Variants in GRM3 observed in about 807,000 individuals in gnomAD.
GRM3 encodes the protein metabotropic glutamate receptor 3.
Under a neutral mutation model 70.5 loss-of-function variants are expected in GRM3, and 26 were observed. That is an observed-to-expected ratio of 0.37 (90% CI 0.27 to 0.51). The LOEUF is 0.51. Ranked by LOEUF, GRM3 falls within the 20% of genes least tolerant of loss-of-function variation. The pLI is 0.93. For missense variants in GRM3, 859 were observed against 1,123.8 expected, an observed-to-expected ratio of 0.76 and a Z score of 3.37; for synonymous variants, 443 against 434.9, an observed-to-expected ratio of 1.02 and a Z score of -0.23.
intron 4 of GRM3, among the ~76,000 whole-genome samples, chr7:86,842,062 T>C (rs1012085867): frequency 2.2e-4 from 34 of 152,180 alleles, no homozygotes; most frequent in Non-Finnish European, 1.2e-4. Context: ...TTTGGCTGCA[T>C]ATTGAATCAA....
intron 3 of GRM3, among the ~76,000 whole-genome samples, chr7:86,817,894 G>A (rs1280742469): frequency 6.6e-6 from 1 of 151,934 alleles, no homozygotes; most frequent in Non-Finnish European, 1.5e-5. Context: ...AACTACCTGA[G>A]GTGCAATCTA....
chr7:86,761,871 C>T (rs1796488930), intron 1 of GRM3, among the ~76,000 whole-genome samples: 1 of 152,072 alleles, frequency 6.6e-6, no homozygotes, highest in Non-Finnish European at 1.5e-5. Context: ...CATTTGAAGT[C>T]TTTTTTGGCT....
chr7:86,664,854 A>T (rs1477523648), intron 1 of GRM3, among the ~76,000 whole-genome samples: 3 of 151,938 alleles, frequency 2.0e-5, no homozygotes, highest in African/African-American at 7.2e-5. Context: ...TCTTAATTAA[A>T]CCTCCCAGGC....
At chr7:86,721,556 A>C (rs76104514) in intron 1 of GRM3, among the ~76,000 whole-genome samples, 2,583 of 152,042 alleles carry the variant, frequency 0.017, 70 homozygotes, top group African/African-American at 0.058. Context: ...CTGGATTAAT[A>C]CTAAAGTTAA....
intron 1 of GRM3, among the ~76,000 whole-genome samples, chr7:86,697,540 G>T (rs564649761): frequency 1.3e-5 from 2 of 152,034 alleles, no homozygotes; most frequent in African/African-American, 4.8e-5. Flanking sequence ...TGAAATTTTT[G>T]CTTTTTTTCC....
chr7:86,769,760 A>G (rs1018891467), intron 2 of GRM3, among the ~76,000 whole-genome samples: 1 of 152,172 alleles, frequency 6.6e-6, no homozygotes, highest in Admixed American at 6.6e-5. Context: ...TATTAAGTAC[A>G]ACAAGCCAGT....
chr7:86,740,800 A>T (rs968504693), intron 1 of GRM3, among the ~76,000 whole-genome samples: 20 of 150,008 alleles, frequency 1.3e-4, no homozygotes, highest in African/African-American at 4.2e-4. Flanking sequence ...ATTTCATACA[A>T]AACCTGCGTT....
At chr7:86,713,213 G>T (rs1018055089) in intron 1 of GRM3, among the ~76,000 whole-genome samples, 2 of 151,932 alleles carry the variant, frequency 1.3e-5, no homozygotes, top group Non-Finnish European at 2.9e-5. Flanking sequence ...GTTTCAATTT[G>T]CATTTCTTTG....
chr7:86,680,602 T>G (rs1244825573), intron 1 of GRM3, among the ~76,000 whole-genome samples: 1 of 152,094 alleles, frequency 6.6e-6, no homozygotes. Context: ...GGACATTTTG[T>G]CCTTAGTACC....
In GRM3 at chr7:86,839,765, T is replaced by C; in HGVS notation, c.2251T>C (p.Cys751Arg). 6.2e-7 allele frequency: 1 copy of C among 1,614,124 alleles called. No individual in the cohort carries two copies. The highest frequency in any genetic ancestry group is 8.5e-7 in the Non-Finnish European group (1 of 1,179,946). Residue 751 changes from cysteine (C) to arginine (R), a missense_variant, in exon 4 of 6, where the codon TGC becomes CGC. Transcript: ENST00000361669. The surrounding 1 kb of genome is among the most constrained non-coding windows in gnomAD (Gnocchi z 4.5). ...CTACGATGTGATCCTGGTGATCTTATGCACTGTGTACGCCTTCAAAACGCG... is the reference window on the plus strand; with the variant it reads ...CTACGATGTGATCCTGGTGATCTTACGCACTGTGTACGCCTTCAAAACGCG... The part of the protein sequence containing the change: ...LTYDVILVIL[C>R]TVYAFKTRKC...
intron 2 of GRM3, among the ~76,000 whole-genome samples, chr7:86,785,350 C>T (rs2116532456): frequency 6.6e-6 from 1 of 152,152 alleles, no homozygotes; most frequent in Admixed American, 6.5e-5. Context: ...AAATGCTCCT[C>T]AATAAACAAG....
At chr7:86,680,144 A>G (rs1794408210) in intron 1 of GRM3, among the ~76,000 whole-genome samples, 3 of 152,152 alleles carry the variant, frequency 2.0e-5, no homozygotes, top group Admixed American at 6.6e-5. Context: ...TGAAAGGCAC[A>G]TGAGGTTCTA....
chr7:86,781,554 T>C (rs1797062303), intron 2 of GRM3, among the ~76,000 whole-genome samples: 1 of 152,190 alleles, frequency 6.6e-6, no homozygotes, highest in Admixed American at 6.5e-5. Context: ...AGAGGGAAAC[T>C]AGTCCTTTGA....
chr7:86,700,656 A>C (rs953921649), intron 1 of GRM3, among the ~76,000 whole-genome samples: 1 of 151,994 alleles, frequency 6.6e-6, no homozygotes, highest in African/African-American at 2.4e-5. Context: ...CTTTACACAG[A>C]AAACAATTAA....
In GRM3 at chr7:86,864,485, A is replaced by AT. The variant is rs1401260399; in HGVS notation, c.*135dup. ...TTTTTTAGAAACAGTACGATAAATT[A>AT]TTTTTGAGGACTGTATATAGTGATG... On this transcript the variant is annotated 3_prime_UTR_variant, in exon 6 of 6. Coordinates refer to ENST00000361669, the MANE Select transcript of GRM3 (RefSeq NM_000840.3). The AT allele has an allele frequency of 1.4e-6, 1 of 727,836 alleles. No homozygotes were observed. The highest frequency in any genetic ancestry group is 1.7e-5 in the African/African-American group (1 of 57,872). The allele number at this position is 727,836 out of a possible 1,614,324, so 45.1% of individuals were successfully genotyped here.
chr7:86,803,198 G>A (rs1797720147), intron 3 of GRM3, among the ~76,000 whole-genome samples: 1 of 152,128 alleles, frequency 6.6e-6, no homozygotes, highest in Non-Finnish European at 1.5e-5. Flanking sequence ...TATTCACTAT[G>A]TGTAATCTTC....
chr7:86,687,853 T>C (rs1176666750), intron 1 of GRM3, among the ~76,000 whole-genome samples: 1 of 151,800 alleles, frequency 6.6e-6, no homozygotes, highest in Non-Finnish European at 1.5e-5. Flanking sequence ...ATAATAAAAA[T>C]GTATTGTAAT....
intron 1 of GRM3, among the ~76,000 whole-genome samples, chr7:86,693,105 C>T (rs990390477): frequency 3.9e-5 from 6 of 152,040 alleles, no homozygotes; most frequent in South Asian, 2.1e-4. Context: ...AGGGTGAACA[C>T]GGAATAAGGT....
chr7:86,840,480 T>C (rs1798538711), intron 4 of GRM3, among the ~76,000 whole-genome samples: 1 of 152,118 alleles, frequency 6.6e-6, no homozygotes, highest in Non-Finnish European at 1.5e-5. Flanking sequence ...TATTTTTCTT[T>C]AACTAGTTAA....
Sources: allele counts gnomAD v4.1 joint callset (sites outside exome capture counted in the v4.1 genomes callset), GRCh38; gene constraint gnomAD v4.1.1; non-coding constraint Gnocchi (gnomAD v3.1); transcripts MANE v1.5; gene names NCBI Gene and HGNC (gene_info 2026-07-23, HGNC 2026-07-21).